Variants in ADCY9 observed in about 807,000 individuals in gnomAD.
ADCY9 encodes the protein adenylate cyclase 9.
Under a neutral mutation model 101.5 loss-of-function variants are expected in ADCY9, and 50 were observed. The ratio of observed to expected loss-of-function variants is 0.49; its 90% CI spans 0.39 to 0.62. ADCY9 has a LOEUF of 0.62. Among genes scored for constraint, ADCY9 ranks in the 20% least tolerant of loss-of-function variants. The pLI is 0.00. For missense variants in ADCY9, 1,662 were observed against 1,800.4 expected (o/e 0.92, Z 1.39); for synonymous variants, 905 against 769.3 (o/e 1.18, Z -2.92).
chr16:4,041,650 T>C (rs2056627445), intron 2 of ADCY9, among the ~76,000 whole-genome samples: 1 of 151,990 alleles, frequency 6.6e-6, no homozygotes. Flanking sequence ...ACTACTGCTT[T>C]AATGCCAAGC....
intron 2 of ADCY9, chr16:4,032,026 G>A (rs910082797): frequency 6.6e-6 from 1 of 151,378 alleles, no homozygotes; most frequent in African/African-American, 2.4e-5. Flanking sequence ...CGGGCGCAGT[G>A]GCTCACACCT....
At chr16:3,985,717 T>C (rs1484506878) in intron 6 of ADCY9, among the ~76,000 whole-genome samples, 1 of 152,018 alleles carries the variant, frequency 6.6e-6, no homozygotes, top group Non-Finnish European at 1.5e-5. Flanking sequence ...ATCTCCTCTG[T>C]AGAACTGCCC....
chr16:4,103,816 G>A (rs1414207460), intron 2 of ADCY9, among the ~76,000 whole-genome samples: 1 of 152,152 alleles, frequency 6.6e-6, no homozygotes, highest in African/African-American at 2.4e-5. Flanking sequence ...GGGCGACAGA[G>A]CGAGACTCTG....
intron 5 of ADCY9, among the ~76,000 whole-genome samples, chr16:3,991,726 A>G (rs915006807): frequency 2.9e-5 from 4 of 138,046 alleles, no homozygotes; most frequent in African/African-American, 1.1e-4. Context: ...GAGCCACTGC[A>G]CTCCAGCCTG....
chr16:4,019,516 G>A (rs2056460820), intron 2 of ADCY9, among the ~76,000 whole-genome samples: 1 of 152,236 alleles, frequency 6.6e-6, no homozygotes, highest in African/African-American at 2.4e-5. Context: ...GAGAGGAGGG[G>A]ACAAAGGCTG....
At chr16:4,098,384 C>T (rs1232644743) in intron 2 of ADCY9, among the ~76,000 whole-genome samples, 1 of 151,972 alleles carries the variant, frequency 6.6e-6, no homozygotes, top group African/African-American at 2.4e-5. Flanking sequence ...CAGGTGCACG[C>T]CACCAAGCCC....
chr16:3,999,446 G>A (rs1252901899), intron 3 of ADCY9, among the ~76,000 whole-genome samples: 2 of 152,016 alleles, frequency 1.3e-5, no homozygotes, highest in African/African-American at 4.8e-5. Flanking sequence ...CCGGACCACC[G>A]TCATATGGCT....
intron 6 of ADCY9, chr16:3,984,055 G>C (rs898245231): frequency 3.9e-5 from 6 of 152,260 alleles, no homozygotes; most frequent in African/African-American, 1.4e-4. Context: ...CACCACTGCA[G>C]AATTATACCG....
intron 2 of ADCY9, among the ~76,000 whole-genome samples, chr16:4,026,946 G>A (rs574129540): frequency 1.3e-4 from 20 of 152,290 alleles, no homozygotes; most frequent in African/African-American, 4.6e-4. Flanking sequence ...TTTGCACCTC[G>A]TGGCAGATGA....
At chr16:4,007,816 C>A (rs2056377655) in intron 2 of ADCY9, among the ~76,000 whole-genome samples, 1 of 151,866 alleles carries the variant, frequency 6.6e-6, no homozygotes, top group Non-Finnish European at 1.5e-5. Context: ...CATGTTTTAC[C>A]TTCAGGGTTA....
At chr16:4,044,219 TGC>T (rs2056646762) in intron 2 of ADCY9, among the ~76,000 whole-genome samples, 1 of 152,036 alleles carries the variant, frequency 6.6e-6, no homozygotes, top group South Asian at 2.1e-4. Flanking sequence ...TGGTGGTGTG[TGC>T]CTGTAATCCC....
intron 2 of ADCY9, among the ~76,000 whole-genome samples, chr16:4,044,343 T>A (rs1181706249): frequency 2.3e-4 from 34 of 150,682 alleles, no homozygotes; most frequent in Non-Finnish European, 1.0e-4. Flanking sequence ...TGAGACTCCA[T>A]CTCAAAAAAA....
intron 2 of ADCY9, among the ~76,000 whole-genome samples, chr16:4,043,362 G>T (rs995942625): frequency 6.6e-6 from 1 of 151,630 alleles, no homozygotes; most frequent in Non-Finnish European, 1.5e-5. Flanking sequence ...ATCAGAAGCG[G>T]TTCCCTCGTT....
intron 2 of ADCY9, among the ~76,000 whole-genome samples, chr16:4,065,367 A>C (rs2056794904): frequency 6.6e-6 from 1 of 152,210 alleles, no homozygotes; most frequent in Non-Finnish European, 1.5e-5. Context: ...TTTCCTTTCA[A>C]ATACTTGATG....
chr16:3,979,401 T>G (rs942867119), intron 7 of ADCY9, 126 bp from the exon 8 acceptor site: 2 of 1,148,580 alleles, frequency 1.7e-6, no homozygotes, highest in African/African-American at 3.1e-5. Flanking sequence ...GGGATGGGCG[T>G]GAGAGCAGGC....
At position 3,983,228 on chromosome 16, in the gene ADCY9, T is replaced by C. The variant is rs1192042572; in HGVS notation, c.2519+4A>G. 2 of 1,548,624 alleles carry C rather than the reference T, an allele frequency of 1.3e-6. No homozygotes were observed. The highest frequency in any genetic ancestry group is 3.9e-5 in the Admixed American group (2 of 50,940). On this transcript the variant is annotated splice_donor_region_variant and intron_variant, in intron 7 of 10. Coordinates refer to ENST00000294016, the MANE Select transcript of ADCY9 (RefSeq NM_001116.4). ...GCTGGAGACCCAGTCCACGCGGCGCTTACCTGATGGACACCGCGAGGGACA... is the reference window on the plus strand; with the variant it reads ...GCTGGAGACCCAGTCCACGCGGCGCCTACCTGATGGACACCGCGAGGGACA...
In ADCY9 at chr16:3,979,117, T is replaced by G. The variant is rs2056117899; in HGVS notation, c.2678A>C (p.His893Pro). 11 of 1,614,122 alleles carry G rather than the reference T, an allele frequency of 6.8e-6. No homozygotes were observed. Among genetic ancestry groups the G allele is most frequent in the Non-Finnish European group, 9.3e-6 (11 of 1,180,000 alleles). The change falls in exon 8 of 11, where the codon CAC becomes CCC. Residue 893 changes from histidine (H) to proline (P), a missense_variant and splice_region_variant. His to Pro is a moderately conservative substitution (Grantham distance 77, BLOSUM62 -2). Transcript: ENST00000294016. ...HVTSEYETNIHFPVFTGSAAL... is the reference protein window; with the variant it reads ...HVTSEYETNIPFPVFTGSAAL... ...TAAAACGGCTGAGCCTTTACTTACGTGTATGTTGGTCTCATATTCGGAGGT... is the reference window on the plus strand; with the variant it reads ...TAAAACGGCTGAGCCTTTACTTACGGGTATGTTGGTCTCATATTCGGAGGT...
At chr16:4,086,686 G>T (rs992600673) in intron 2 of ADCY9, among the ~76,000 whole-genome samples, 22 of 151,900 alleles carry the variant, frequency 1.4e-4, no homozygotes, top group African/African-American at 5.3e-4. Context: ...TTAAGACAGG[G>T]TCTTACTCTG....
At chr16:4,091,508 C>G (rs577747327) in intron 2 of ADCY9, among the ~76,000 whole-genome samples, 198 of 152,266 alleles carry the variant, frequency 1.3e-3, no homozygotes, top group African/African-American at 4.6e-3. Context: ...AACGTGTACA[C>G]GAGTGTTCCC....
Sources: gnomAD v4.1 joint callset for allele counts (sites outside exome capture counted in the v4.1 genomes callset) on GRCh38, gnomAD v4.1.1 for gene constraint, MANE v1.5 for transcripts, NCBI Gene and HGNC (gene_info 2026-07-23, HGNC 2026-07-21) for gene names.